KREMEN1: variants seen among roughly 807,000 people sequenced by gnomAD.
The protein encoded by KREMEN1 is kringle containing transmembrane protein 1.
A neutral mutation model predicts 46.5 loss-of-function variants in KREMEN1; 30 were observed. That is an observed-to-expected ratio of 0.65 (90% confidence interval 0.48 to 0.88). The LOEUF (loss-of-function observed/expected upper bound fraction) is 0.88, where lower values mean the gene tolerates loss of function less well. Ranked by LOEUF, KREMEN1 falls within the 40% of genes least tolerant of loss-of-function variation. The pLI is 0.00. For missense variants in KREMEN1, 533 were observed against 596.9 expected, an observed-to-expected ratio of 0.89 and a Z score of 1.11; for synonymous variants, 214 against 230.6, an observed-to-expected ratio of 0.93 and a Z score of 0.65.
chr22:29,157,266 A>C (rs948042313), intron 9 of KREMEN1, among the ~76,000 whole-genome samples: 5 of 152,106 alleles, frequency 3.3e-5, no homozygotes, highest in Non-Finnish European at 1.5e-5. Flanking sequence ...AGGCTGGGGG[A>C]TTGCCTTCTT....
chr22:29,165,501 G>A (rs911247509), intron 9 of KREMEN1, among the ~76,000 whole-genome samples: 1 of 152,204 alleles, frequency 6.6e-6, no homozygotes, highest in African/African-American at 2.4e-5. Flanking sequence ...GACCGTACCA[G>A]GGCATGAAGC....
chr22:29,141,084 A>T (rs1344372789), intron 8 of KREMEN1, among the ~76,000 whole-genome samples: 3 of 152,154 alleles, frequency 2.0e-5, no homozygotes, highest in Non-Finnish European at 4.4e-5. Flanking sequence ...TGACCGTCTC[A>T]CTTGCCCTCT....
Position 29,142,230 on chromosome 22 carries a change from C to T in KREMEN1, c.*118C>T, listed in dbSNP as rs532207399. On this transcript the variant is annotated 3_prime_UTR_variant, in exon 9 of 9. Coordinates refer to ENST00000400335, the MANE Select transcript of KREMEN1 (RefSeq NM_001039570.3). The stretch of plus-strand genomic sequence containing the variant: ...CCCTCCTCTCCCTCTGCCTCGGCCT[C>T]TTCGGGGAAACCCTCCTCCTACAGA... The T allele has an allele frequency of 7.2e-7, 1 of 1,392,078 alleles. No individual in the cohort carries two copies. The highest frequency in any genetic ancestry group is 9.3e-7 in the Non-Finnish European group (1 of 1,076,190). The allele number at this position is 1,392,078 out of a possible 1,614,324, so 86.2% of individuals were successfully genotyped here.
chr22:29,080,425 T>G (rs1174384443), intron 1 of KREMEN1, among the ~76,000 whole-genome samples: 1 of 151,828 alleles, frequency 6.6e-6, no homozygotes, highest in Non-Finnish European at 1.5e-5. Context: ...TTAAAAGGAG[T>G]GTCTTCAAAG....
exon 10 of KREMEN1, chr22:29,167,076 C>T: frequency 6.4e-7 from 1 of 1,551,716 alleles, no homozygotes; most frequent in African/African-American, 1.4e-5. Context: ...CATCACTCAT[C>T]TGGTCTCAGG....
intron 3 of KREMEN1, among the ~76,000 whole-genome samples, chr22:29,110,539 A>T (rs2038131485): frequency 6.6e-6 from 1 of 152,242 alleles, no homozygotes; most frequent in Non-Finnish European, 1.5e-5. Context: ...GGAGGGAACT[A>T]CTGCTGTGAT....
chr22:29,166,996 T>C, intron 9 of KREMEN1: 1 of 1,415,162 alleles, frequency 7.1e-7, no homozygotes, highest in South Asian at 1.2e-5. Context: ...CCTCCGTGCC[T>C]AGGGCTGTAC....
chr22:29,167,113 A>G (rs1156366236), exon 10 of KREMEN1: 1 of 1,550,924 alleles, frequency 6.4e-7, no homozygotes. Flanking sequence ...CTGACTGTAG[A>G]CACAACTAGG....
intron 9 of KREMEN1, among the ~76,000 whole-genome samples, chr22:29,159,131 T>TG (rs2038988356): frequency 1.3e-5 from 2 of 148,986 alleles, no homozygotes; most frequent in Admixed American, 6.7e-5. Flanking sequence ...AGTGTTTTTT[T>TG]TTTTTTTTTT....
chr22:29,152,960 G>C (rs923007845), intron 9 of KREMEN1, among the ~76,000 whole-genome samples: 2 of 152,174 alleles, frequency 1.3e-5, no homozygotes, highest in African/African-American at 4.8e-5. Flanking sequence ...GTAGACTTAC[G>C]GTTATTTCTT....
rs565433044 is a variant in KREMEN1 at position 29,144,361 on chromosome 22, C to T, written c.*2249C>T. On this transcript the variant is annotated 3_prime_UTR_variant, in exon 9 of 9. Coordinates refer to ENST00000400335, the MANE Select transcript of KREMEN1 (RefSeq NM_001039570.3). ...GTGCTTGGAGCTTCAGGCAGAGGGG[C>T]CTTCAGAGGAGGGAAACGGAGCAAT... 26 of 985,902 alleles carry T rather than the reference C, an allele frequency of 2.6e-5. No homozygotes were observed. In the South Asian group the frequency reaches 1.1e-3, roughly 43 times the overall value. The allele number at this position is 985,902 out of a possible 1,614,324, so 61.1% of individuals were successfully genotyped here. A position where few individuals can be genotyped will look rare whatever the true frequency, so the allele number is the denominator to read the frequency against.
rs776174426 is a variant in KREMEN1, at chr22:29,140,307, T to C, written c.1149T>C (p.Thr383=). The change falls in exon 8 of 9, where the codon ACT becomes ACC. Residue 383 remains threonine (T), a synonymous_variant. Transcript: ENST00000400335. ...VPGWTVYGLA[T]LLILTVTAIV... ...GATGGACAGTCTATGGTCTGGCAAC[T>C]CTCCTCATCCTCACAGTCACAGCCA... is the stretch of plus-strand genomic sequence containing the variant. The C allele has an allele frequency of 6.2e-7, 1 of 1,614,036 alleles. No homozygotes were observed. Among genetic ancestry groups the C allele is most frequent in the East Asian group, 2.2e-5 (1 of 44,878 alleles).
chr22:29,152,253 G>A (rs527386880), intron 9 of KREMEN1, among the ~76,000 whole-genome samples: 5 of 152,272 alleles, frequency 3.3e-5, no homozygotes, highest in African/African-American at 1.2e-4. Flanking sequence ...CTGGTTTCCT[G>A]AGCCATCCCT....
chr22:29,125,504 GTATT>G, intron 5 of KREMEN1, 88 bp downstream of exon 5: 1 of 1,311,016 alleles, frequency 7.6e-7, no homozygotes. Context: ...TCCCTTCTAT[GTATT>G]CATTCATTCA....
chr22:29,159,062 C>T (rs132296), intron 9 of KREMEN1, among the ~76,000 whole-genome samples: 127,859 of 150,962 alleles, frequency 0.85, 54,515 homozygotes, highest in Non-Finnish European at 0.9. Flanking sequence ...ACAAGTGATC[C>T]ACCTGCCTTG....
intron 1 of KREMEN1, among the ~76,000 whole-genome samples, chr22:29,078,310 A>G (rs1040594777): frequency 6.6e-6 from 1 of 152,092 alleles, no homozygotes; most frequent in African/African-American, 2.4e-5. Context: ...CTAAAGAGAA[A>G]TTCAGCATGG....
intron 1 of KREMEN1, among the ~76,000 whole-genome samples, chr22:29,074,470 T>C (rs764339013): frequency 1.3e-5 from 2 of 152,238 alleles, no homozygotes; most frequent in African/African-American, 2.4e-5. Flanking sequence ...GGATGAAGCT[T>C]GGCTTTTGCT....
chr22:29,154,938 A>G (rs1289084538), intron 9 of KREMEN1, among the ~76,000 whole-genome samples: 4 of 152,226 alleles, frequency 2.6e-5, no homozygotes, highest in Non-Finnish European at 4.4e-5. Flanking sequence ...ATAAGTGATC[A>G]GATGAATTAT....
In KREMEN1 at chr22:29,151,971, T is replaced by C. The variant is rs186917189; in HGVS notation, c.1416+9871T>C. Among the ~76,000 whole-genome samples the C allele has an allele frequency of 1.9e-4, 28 of 149,582 alleles. No homozygotes were observed. In the East Asian group the frequency reaches 4.3e-3, roughly 23 times the overall value. On this transcript the variant is annotated intron_variant, in intron 9 of 9. Coordinates refer to the KREMEN1 transcript ENST00000327813. ...GTTGCCGTGAGCCGAGATTGTGCCA[T>C]TGCACTCCAGCCTGGGAGACAGAGC...
Sources: gnomAD v4.1 joint callset for allele counts (sites outside exome capture counted in the v4.1 genomes callset) on GRCh38, gnomAD v4.1.1 for gene constraint, MANE v1.5 for transcripts, NCBI Gene and HGNC (gene_info 2026-07-23, HGNC 2026-07-21) for gene names.